Variants in ZFP69 observed in about 807,000 individuals in gnomAD.
The protein encoded by ZFP69 is ZFP69 zinc finger protein, also known as zinc finger protein 69 homolog.
ZFP69 carries 35 observed loss-of-function variants against 48.9 expected under a neutral mutation model. The ratio of observed to expected loss-of-function variants is 0.72; its 90% confidence interval spans 0.55 to 0.95. The LOEUF (loss-of-function observed/expected upper bound fraction) is 0.95, where lower values mean the gene tolerates loss of function less well. Ranked by LOEUF, ZFP69 falls within the 40% of genes least tolerant of loss-of-function variation. ZFP69 has a pLI of 0.00. For synonymous variants in ZFP69, 193 were observed against 216.8 expected (o/e 0.89, Z 0.96); for missense variants, 557 against 638.4 (o/e 0.87, Z 1.37).
At position 40,495,296 on chromosome 1, in the gene ZFP69, G is replaced by T; in HGVS notation, c.818G>T (p.Cys273Phe). ...TSYIRTKTYE[C>F]NICEKIFKQP... ...TACATAAGAACAAAAACCTATGAAT[G>T]TAATATATGTGAAAAAATCTTCAAA... Residue 273 changes from cysteine (C) to phenylalanine (F), a missense_variant, in exon 6 of 6, where the codon TGT (cysteine) becomes TTT (phenylalanine). By Grantham distance (205) the Cys-to-Phe change is radical (BLOSUM62 -2). Coordinates refer to ENST00000372706, the MANE Select transcript of ZFP69 (RefSeq NM_001320179.2). 1 of 1,613,988 alleles carries T rather than the reference G, an allele frequency of 6.2e-7. No homozygotes were observed. Among genetic ancestry groups the T allele is most frequent in the Non-Finnish European group, 8.5e-7 (1 of 1,179,988 alleles).
chr1:40,486,529 C>A (rs995394440), intron 3 of ZFP69, among the ~76,000 whole-genome samples: 5 of 145,848 alleles, frequency 3.4e-5, no homozygotes, highest in African/African-American at 7.5e-5. Flanking sequence ...AGTGATCCTC[C>A]TGCCTCAGCC....
chr1:40,489,532 A>G lies in ZFP69; in HGVS notation c.350A>G (p.Tyr117Cys). ...GTTTTTTTTACTACATAAGCAGGATATCAACTTTCCAAACCTAGTGTGATA... is the reference window on the plus strand; with the variant it reads ...GTTTTTTTTACTACATAAGCAGGATGTCAACTTTCCAAACCTAGTGTGATA... ...ENYSNLVSVGYQLSKPSVISQ... is the reference protein window; with the variant it reads ...ENYSNLVSVGCQLSKPSVISQ... Residue 117 changes from tyrosine (Y) to cysteine (C), a missense_variant, in exon 5 of 6, where the codon TAT becomes TGT. Transcript: ENST00000372706. 3.1e-6 allele frequency: 5 copies of G among 1,610,578 alleles called. No homozygotes were observed. Among genetic ancestry groups the G allele is most frequent in the Non-Finnish European group, 4.2e-6 (5 of 1,179,036 alleles).
chr1:40,494,881 A>G (rs1376421988), intron 5 of ZFP69, 40 bp from the exon 6 acceptor site: 2 of 1,538,272 alleles, frequency 1.3e-6, no homozygotes, highest in East Asian at 4.5e-5. Context: ...CATAACCACT[A>G]CAGTAATTGG....
At chr1:40,487,551 T>C (rs1645514277) in intron 3 of ZFP69, among the ~76,000 whole-genome samples, 1 of 152,168 alleles carries the variant, frequency 6.6e-6, no homozygotes, top group Admixed American at 6.5e-5. Flanking sequence ...TGTAAACAAA[T>C]GTAAAGATGC....
In ZFP69 at chr1:40,486,480, C is replaced by CCCTCCCTCCTTTCTT. The variant is rs1645501135; in HGVS notation, c.220-2599_220-2598insTTTCTTCCTCCCTCC. Among the ~76,000 whole-genome samples the CCCTCCCTCCTTTCTT allele has an allele frequency of 1.1e-4, 14 of 121,942 alleles. 1 individual carries two copies. In the South Asian group the frequency reaches 4.8e-3, roughly 42 times the overall value. The allele number at this position is 121,942 out of a possible 152,430, so 80.0% of individuals were successfully genotyped here. On this transcript the variant is annotated intron_variant, in intron 3 of 5. Coordinates refer to ENST00000372706, the MANE Select transcript of ZFP69 (RefSeq NM_001320179.2). The stretch of plus-strand genomic sequence containing the variant: ...ATCCCTCCCTCCCTCCTTTCTTCCT[C>CCCTCCCTCCTTTCTT]CCTCCCTCCCTCCCTCCCACCACTA...
chr1:40,478,538 C>T (rs1356350677), intron 1 of ZFP69, among the ~76,000 whole-genome samples: 1 of 152,088 alleles, frequency 6.6e-6, no homozygotes, highest in East Asian at 1.9e-4. Context: ...ATTATTCTGT[C>T]AGTTGAGATA....
intron 5 of ZFP69, among the ~76,000 whole-genome samples, chr1:40,494,632 CATTATATATAAAATATAT>C (rs1645608261): frequency 6.9e-6 from 1 of 145,062 alleles, no homozygotes; most frequent in Non-Finnish European, 1.5e-5. Flanking sequence ...ATAAAATATA[CATTATATATAAAATATAT>C]ATTTATTTAT....
chr1:40,481,698 C>A, intron 2 of ZFP69, 65 bp from the exon 3 acceptor site: 1 of 1,339,898 alleles, frequency 7.5e-7, no homozygotes, highest in Non-Finnish European at 1.0e-6. Flanking sequence ...AGTGGGTCTG[C>A]AGGCAATTTC....
rs1645401021 is a variant in ZFP69, at chr1:40,477,547, CAG to C, written c.-673_-672del. On this transcript the variant is annotated 5_prime_UTR_variant, in exon 1 of 6. Transcript: ENST00000372706. This position sits in a 1 kb window ranked among gnomAD's most constrained non-coding sequence, Gnocchi z 4.0. Reference sequence around the variant, plus strand: ...CCCCGGGGTCTGCAAGACGCCGGCTCAGGGCATCCCTCCCATTCCGGCCCTCA... The same window carrying C: ...CCCCGGGGTCTGCAAGACGCCGGCTCGGCATCCCTCCCATTCCGGCCCTCA... 6.6e-6 allele frequency: 1 copy of C among 152,208 alleles called. No individual in the cohort carries two copies. The highest frequency in any genetic ancestry group is 2.1e-4 in the South Asian group (1 of 4,830). 9.4% of individuals were successfully genotyped at this position (152,208 alleles called of 1,614,324 possible).
chr1:40,486,216 G>A (rs969664982), intron 3 of ZFP69, among the ~76,000 whole-genome samples: 1 of 151,672 alleles, frequency 6.6e-6, no homozygotes, highest in African/African-American at 2.4e-5. Flanking sequence ...ATGAGCCACT[G>A]TGCCTTGCTG....
Position 40,495,290 on chromosome 1 carries a change from A to G in ZFP69, c.812A>G (p.Tyr271Cys), listed in dbSNP as rs375433261. 2 of 1,614,088 alleles carry G rather than the reference A, an allele frequency of 1.2e-6. No individual in the cohort carries two copies. The highest frequency in any genetic ancestry group is 1.7e-6 in the Non-Finnish European group (2 of 1,179,988). Residue 271 changes from tyrosine (Y) to cysteine (C), a missense_variant, in exon 6 of 6, where the codon TAT becomes TGT. Tyr to Cys is a radical substitution (Grantham distance 194). Coordinates refer to ENST00000372706, the MANE Select transcript of ZFP69 (RefSeq NM_001320179.2). ...ACAAGTTACATAAGAACAAAAACCTATGAATGTAATATATGTGAAAAAATC... is the reference window on the plus strand; with the variant it reads ...ACAAGTTACATAAGAACAAAAACCTGTGAATGTAATATATGTGAAAAAATC... ...HPTSYIRTKT[Y>C]ECNICEKIFK... is the part of the protein sequence containing the mutation.
intron 3 of ZFP69, among the ~76,000 whole-genome samples, chr1:40,482,605 A>C (rs1165957967): frequency 2.0e-5 from 3 of 152,216 alleles, no homozygotes; most frequent in African/African-American, 7.2e-5. Context: ...ATCTGGGGCA[A>C]TTACTTTAGC....
chr1:40,494,850 T>C, intron 5 of ZFP69, 71 bp from the exon 6 acceptor site: 1 of 1,340,908 alleles, frequency 7.5e-7, no homozygotes, highest in Non-Finnish European at 1.0e-6. Context: ...CTTATCCATA[T>C]TGTTGTCTAA....
chr1:40,494,255 A>AT (rs1645598717), intron 5 of ZFP69, among the ~76,000 whole-genome samples: 86 of 123,864 alleles, frequency 6.9e-4, no homozygotes, highest in African/African-American at 1.3e-3. Context: ...AAAGATTCAA[A>AT]ATTTTTTTTT....
chr1:40,483,316 A>G (rs1398466929), intron 3 of ZFP69, among the ~76,000 whole-genome samples: 1 of 145,526 alleles, frequency 6.9e-6, no homozygotes, highest in Non-Finnish European at 1.5e-5. Flanking sequence ...TGCAACCTCA[A>G]ACTCTTGGGC....
chr1:40,492,801 C>T (rs1645582107), intron 5 of ZFP69, among the ~76,000 whole-genome samples: 1 of 152,174 alleles, frequency 6.6e-6, no homozygotes, highest in Non-Finnish European at 1.5e-5. Flanking sequence ...AGGATTTTCT[C>T]CTGTACATAT....
chr1:40,492,037 AT>A (rs1645575008), intron 5 of ZFP69, among the ~76,000 whole-genome samples: 1 of 151,908 alleles, frequency 6.6e-6, no homozygotes. Context: ...AACTTTTTAA[AT>A]TGTTTTTAGA....
Position 40,484,883 on chromosome 1 carries a change from C to CTTTT in ZFP69, c.219+3052_219+3055dup, listed in dbSNP as rs71060386. Among the ~76,000 whole-genome samples, 102 of 44,382 alleles carry CTTTT rather than the reference C, an allele frequency of 2.3e-3. 34 individuals carry two copies. The East Asian group carries it at 0.064, about 28-fold the overall frequency. The allele number at this position is 44,382 out of a possible 152,430, so 29.1% of individuals were successfully genotyped here. On this transcript the variant is annotated intron_variant, in intron 3 of 5. Coordinates refer to ENST00000372706, the MANE Select transcript of ZFP69 (RefSeq NM_001320179.2). ...GGCATGAGCCACTGCGCCTGGCCTG[C>CTTTT]TTTTTTTTTTTTTTTTTTTTTTTTT...
Position 40,478,382 on chromosome 1 carries a change from G to GACAT in ZFP69, c.-327+491_-327+494dup, listed in dbSNP as rs1278246141. On this transcript the variant is annotated intron_variant, in intron 1 of 5. Transcript: ENST00000372706. ...TTATACTAAATTTACACCATTTGAAGACATACCCTCTTCCCCAATTTTAAC... is the reference window on the plus strand; with the variant it reads ...TTATACTAAATTTACACCATTTGAAGACATACATACCCTCTTCCCCAATTTTAAC... Among the ~76,000 whole-genome samples, 5 of 152,182 alleles carry GACAT rather than the reference G, an allele frequency of 3.3e-5. No individual in the cohort carries two copies. The East Asian group carries it at 9.7e-4, about 29-fold the overall frequency.
Sources: gnomAD v4.1 joint callset for allele counts (sites outside exome capture counted in the v4.1 genomes callset) on GRCh38, gnomAD v4.1.1 for gene constraint, Gnocchi (gnomAD v3.1) non-coding constraint, MANE v1.5 for transcripts, NCBI Gene and HGNC (gene_info 2026-07-23, HGNC 2026-07-21) for gene names.